The following EEF1AKMT3 variants were observed in gnomAD, a reference collection of about 807,000 sequenced individuals.
The protein encoded by EEF1AKMT3 is EEF1A lysine methyltransferase 3, also known as eEF1A-KMT3.
EEF1AKMT3 carries 17 observed loss-of-function variants against 17.8 expected under a neutral mutation model. The observed-to-expected ratio is 0.96, with a 90% CI of 0.65 to 1.43. EEF1AKMT3 has a LOEUF of 1.43. Among genes scored for constraint, EEF1AKMT3 ranks in the 40% most tolerant of loss-of-function variants. The probability of loss-of-function intolerance (pLI) is 0.00; values close to 1 mark genes in which losing one functional copy is unlikely to be tolerated. For synonymous variants in EEF1AKMT3, 116 were observed against 126.5 expected, an observed-to-expected ratio of 0.92 and a Z score of 0.56; for missense variants, 244 against 285.8, an observed-to-expected ratio of 0.85 and a Z score of 1.06.
chr12:57,780,216 T>C, intron 2 of EEF1AKMT3, 39 bp from the exon 3 acceptor site: 2 of 1,602,786 alleles, frequency 1.2e-6, no homozygotes, highest in Non-Finnish European at 1.7e-6. Flanking sequence ...CCTTGGTTGG[T>C]TCCTCTGACT....
At chr12:57,779,436 AT>A (rs1955498657) in intron 2 of EEF1AKMT3, among the ~76,000 whole-genome samples, 1 of 152,190 alleles carries the variant, frequency 6.6e-6, no homozygotes, top group Admixed American at 6.5e-5. Flanking sequence ...ATATAGGCAC[AT>A]AATAAATATG....
intron 2 of EEF1AKMT3, 84 bp downstream of exon 2, chr12:57,773,212 G>A (rs1210873959): frequency 7.4e-7 from 1 of 1,345,212 alleles, no homozygotes; most frequent in Non-Finnish European, 1.1e-6. Flanking sequence ...TGGGGGAGAG[G>A]GGAGAACTTT....
chr12:57,779,009 G>A (rs1186964966), intron 2 of EEF1AKMT3, among the ~76,000 whole-genome samples: 6 of 152,212 alleles, frequency 3.9e-5, no homozygotes, highest in Non-Finnish European at 5.9e-5. Flanking sequence ...ACAGGCGCCC[G>A]CCACCACACC....
At chr12:57,774,466 G>C (rs1288654843) in intron 2 of EEF1AKMT3, among the ~76,000 whole-genome samples, 2 of 152,194 alleles carry the variant, frequency 1.3e-5, no homozygotes, top group Non-Finnish European at 2.9e-5. Context: ...GGCAACAAGA[G>C]TGAAACTCTG....
At chr12:57,779,746 AT>A (rs1955500924) in intron 2 of EEF1AKMT3, among the ~76,000 whole-genome samples, 1 of 152,126 alleles carries the variant, frequency 6.6e-6, no homozygotes, top group Admixed American at 6.5e-5. Flanking sequence ...CCTTTGTCTC[AT>A]GTCTTGACAC....
intron 2 of EEF1AKMT3, among the ~76,000 whole-genome samples, chr12:57,773,615 G>A (rs1955460921): frequency 1.3e-5 from 2 of 152,074 alleles, no homozygotes; most frequent in African/African-American, 4.8e-5. Context: ...TTTAGTAGAA[G>A]ACGTTTCACC....
At chr12:57,774,613 A>AT (rs766349263) in intron 2 of EEF1AKMT3, 3 of 1,188,108 alleles carry the variant, frequency 2.5e-6, no homozygotes, top group African/African-American at 1.5e-5. Context: ...AATAAGACAG[A>AT]TTTTCTCTCC....
At chr12:57,773,723 G>C (rs1955462139) in intron 2 of EEF1AKMT3, among the ~76,000 whole-genome samples, 1 of 152,170 alleles carries the variant, frequency 6.6e-6, no homozygotes, top group Non-Finnish European at 1.5e-5. Context: ...ACCCAGCCTT[G>C]TGTTACTCTT....
rs116659646 is a variant in EEF1AKMT3 at position 57,775,939 on chromosome 12, A to G, written c.289+2811A>G. On this transcript the variant is annotated intron_variant, in intron 2 of 2. Transcript: ENST00000300209. ...TTCTTAAATCTTCTCATGTTTTTCC[A>G]TCTCCATTGACAGCTCCCCAGTCCA... Among the ~76,000 whole-genome samples, 953 of 152,168 alleles carry G rather than the reference A, an allele frequency of 6.3e-3. 12 individuals are homozygous for G. The highest frequency in any genetic ancestry group is 0.022 in the African/African-American group (903 of 41,502).
intron 2 of EEF1AKMT3, 89 bp from the exon 3 acceptor site, chr12:57,780,166 G>A: frequency 6.6e-7 from 1 of 1,515,414 alleles, no homozygotes; most frequent in Non-Finnish European, 8.9e-7. Context: ...TGTCCTCTAT[G>A]CTCTGAGGTC....
chr12:57,773,698 G>A (rs920118838), intron 2 of EEF1AKMT3, among the ~76,000 whole-genome samples: 1 of 152,172 alleles, frequency 6.6e-6, no homozygotes, highest in Non-Finnish European at 1.5e-5. Flanking sequence ...TGGGATTACA[G>A]GCGTGAGCCA....
In EEF1AKMT3 at chr12:57,780,974, G is replaced by T. The variant is rs1955510147; in HGVS notation, c.*328G>T. ...TATATGGGATGTGAGAGCAGTGATTGTAGACAGACTGTCACTGATCACTTC... is the reference window on the plus strand; with the variant it reads ...TATATGGGATGTGAGAGCAGTGATTTTAGACAGACTGTCACTGATCACTTC... On this transcript the variant is annotated 3_prime_UTR_variant, in exon 3 of 3. Transcript: ENST00000300209. 2 of 375,318 alleles carry T rather than the reference G, an allele frequency of 5.3e-6. No individual in the cohort carries two copies. Among genetic ancestry groups the T allele is most frequent in the Non-Finnish European group, 9.8e-6 (2 of 204,932 alleles). 23.2% of individuals were successfully genotyped at this position (375,318 alleles called of 1,614,324 possible).
chr12:57,772,807 C>T lies in EEF1AKMT3; in HGVS notation c.83C>T (p.Ser28Leu), dbSNP rs34913183. ...REVGLFADSY[S>L]EKSQFCFCGH... is the part of the protein sequence containing the mutation. ...GTCGGGCTCTTTGCAGACTCTTACT[C>T]GGAGAAGAGCCAGTTCTGTTTCTGT... Residue 28 changes from serine (S) to leucine (L), a missense_variant, in exon 1 of 3, where the codon TCG (serine) becomes TTG (leucine). Physicochemically the swap from Ser to Leu is moderately radical, Grantham distance 145. Transcript: ENST00000300209. The surrounding 1 kb of genome is among the most constrained non-coding windows in gnomAD (Gnocchi z 4.1). 0.01 allele frequency: 16,584 copies of T among 1,614,154 alleles called. 145 individuals carry two copies. Among genetic ancestry groups the T allele is most frequent in the Non-Finnish European group, 0.012 (14,535 of 1,179,986 alleles).
Position 57,772,710 on chromosome 12 carries a change from C to A in EEF1AKMT3, c.-15C>A. ...GCGCCGGCCGCGGTGCCCAGGCACT[C>A]CCTTGGCGGGCCGGATGGCGGACCC... On this transcript the variant is annotated 5_prime_UTR_variant, in exon 1 of 3. Coordinates refer to ENST00000300209, the MANE Select transcript of EEF1AKMT3 (RefSeq NM_015433.3). The surrounding 1 kb of genome is among the most constrained non-coding windows in gnomAD (Gnocchi z 4.1). 1 of 1,609,590 alleles carries A rather than the reference C, an allele frequency of 6.2e-7. No homozygotes were observed. Among genetic ancestry groups the A allele is most frequent in the South Asian group, 1.1e-5 (1 of 90,408 alleles).
intron 2 of EEF1AKMT3, among the ~76,000 whole-genome samples, chr12:57,776,817 AT>A (rs1955483129): frequency 1.3e-5 from 2 of 151,788 alleles, no homozygotes; most frequent in African/African-American, 4.8e-5. Flanking sequence ...TGCCTGGCTA[AT>A]TTTTGTATTT....
At position 57,780,659 on chromosome 12, in the gene EEF1AKMT3, T is replaced by G. The variant is rs922727093; in HGVS notation, c.*13T>G. 2 of 1,603,072 alleles carry G rather than the reference T, an allele frequency of 1.2e-6. No homozygotes were observed. Among genetic ancestry groups the G allele is most frequent in the Non-Finnish European group, 1.7e-6 (2 of 1,179,778 alleles). ...AAGACCTGCTTGACATCACCCTTGCTGTTCTTCTCAATCTCTTGCTCTAAT... is the reference window on the plus strand; with the variant it reads ...AAGACCTGCTTGACATCACCCTTGCGGTTCTTCTCAATCTCTTGCTCTAAT... On this transcript the variant is annotated 3_prime_UTR_variant, in exon 3 of 3. Coordinates refer to ENST00000300209, the MANE Select transcript of EEF1AKMT3 (RefSeq NM_015433.3).
chr12:57,782,224 C>A lies in EEF1AKMT3; in HGVS notation c.*1578C>A, dbSNP rs1955521247. 1 of 152,246 alleles carries A rather than the reference C, an allele frequency of 6.6e-6. No individual in the cohort carries two copies. The highest frequency in any genetic ancestry group is 1.5e-5 in the Non-Finnish European group (1 of 68,096). 9.4% of individuals were successfully genotyped at this position (152,246 alleles called of 1,614,324 possible). On this transcript the variant is annotated 3_prime_UTR_variant, in exon 3 of 3. Coordinates refer to ENST00000300209, the MANE Select transcript of EEF1AKMT3 (RefSeq NM_015433.3). ...GACCCATAAGGTTCATCTTATGGGA[C>A]CTTAATTTGTCTTGCATGGACATTT...
chr12:57,772,651 C>T lies in EEF1AKMT3; in HGVS notation c.-74C>T. The T allele has an allele frequency of 6.7e-7, 1 of 1,482,374 alleles. No homozygotes were observed. The highest frequency in any genetic ancestry group is 9.0e-7 in the Non-Finnish European group (1 of 1,111,326). The allele number at this position is 1,482,374 out of a possible 1,614,324, so 91.8% of individuals were successfully genotyped here. A position where few individuals can be genotyped will look rare whatever the true frequency, so the allele number is the denominator to read the frequency against. On this transcript the variant is annotated 5_prime_UTR_variant, in exon 1 of 3. Coordinates refer to ENST00000300209, the MANE Select transcript of EEF1AKMT3 (RefSeq NM_015433.3). This position sits in a 1 kb window ranked among gnomAD's most constrained non-coding sequence, Gnocchi z 4.1. The stretch of plus-strand genomic sequence containing the variant: ...GGGACACCACGACGGCTCGCGGCCC[C>T]CAGCCTCTACCCCGCTCCGGATCCG...
rs755539484 is a variant in EEF1AKMT3, at chr12:57,772,801, C to G, written c.77C>G (p.Ser26Cys). ...FPREVGLFADSYSEKSQFCFC... is the reference protein window; with the variant it reads ...FPREVGLFADCYSEKSQFCFC... The stretch of plus-strand genomic sequence containing the variant: ...CGGGAGGTCGGGCTCTTTGCAGACT[C>G]TTACTCGGAGAAGAGCCAGTTCTGT... Residue 26 changes from serine (S) to cysteine (C), a missense_variant, in exon 1 of 3, where the codon TCT (serine) becomes TGT (cysteine). Transcript: ENST00000300209. This position sits in a 1 kb window ranked among gnomAD's most constrained non-coding sequence, Gnocchi z 4.1. The G allele has an allele frequency of 1.2e-6, 2 of 1,614,194 alleles. No homozygotes were observed. Among genetic ancestry groups the G allele is most frequent in the Non-Finnish European group, 1.7e-6 (2 of 1,180,004 alleles).
Sources: allele counts gnomAD v4.1 joint callset (sites outside exome capture counted in the v4.1 genomes callset), GRCh38; gene constraint gnomAD v4.1.1; non-coding constraint Gnocchi (gnomAD v3.1); transcripts MANE v1.5; gene names NCBI Gene and HGNC (gene_info 2026-07-23, HGNC 2026-07-21).